MATCAP2: variants seen among roughly 807,000 people sequenced by gnomAD.
MATCAP2 encodes microtubule associated tyrosine carboxypeptidase 2.
chr7:36,384,654 T>C, the MATCAP2 span, among the ~76,000 whole-genome samples: 1 of 152,074 alleles, frequency 6.6e-6, no homozygotes, highest in African/African-American at 2.4e-5. Context: ...TGGAAAGTGA[T>C]TGGTGGGCAG....
chr7:36,384,979 A>G, the MATCAP2 span, among the ~76,000 whole-genome samples: 1 of 152,222 alleles, frequency 6.6e-6, no homozygotes, highest in African/African-American at 2.4e-5. Flanking sequence ...ATTATTGGAT[A>G]TCATTTTAAT....
the MATCAP2 span, chr7:36,326,783 TGTCA>T: frequency 1.2e-6 from 2 of 1,613,424 alleles, no homozygotes; most frequent in Non-Finnish European, 1.7e-6. Context: ...TTCAGTTCCC[TGTCA>T]GTCAGTTCAT....
the MATCAP2 span, chr7:36,336,199 C>T: frequency 6.5e-7 from 1 of 1,536,494 alleles, no homozygotes; most frequent in Non-Finnish European, 8.7e-7. Context: ...TAACGTGACT[C>T]CAGATTCGAG....
chr7:36,389,226 A>G, the MATCAP2 span, among the ~76,000 whole-genome samples: 1 of 151,456 alleles, frequency 6.6e-6, no homozygotes, highest in Non-Finnish European at 1.5e-5. Context: ...ATGCCTATCT[A>G]ATTTTTTTGT....
the MATCAP2 span, among the ~76,000 whole-genome samples, chr7:36,377,447 G>T: frequency 6.6e-6 from 1 of 152,202 alleles, no homozygotes; most frequent in Non-Finnish European, 1.5e-5. Context: ...CTTCTGGCTT[G>T]TAGAGTTTCT....
chr7:36,384,034 A>C, the MATCAP2 span: 1 of 383,826 alleles, frequency 2.6e-6, no homozygotes, highest in Non-Finnish European at 4.4e-6. Flanking sequence ...AAAGTATAAA[A>C]ATAGTATAAA....
chr7:36,334,113 C>T, the MATCAP2 span: 11 of 1,613,992 alleles, frequency 6.8e-6, no homozygotes, highest in Non-Finnish European at 9.3e-6. Flanking sequence ...TCCAGTCCAA[C>T]TGTTCCATGG....
the MATCAP2 span, among the ~76,000 whole-genome samples, chr7:36,344,903 TA>T: frequency 6.6e-6 from 1 of 152,170 alleles, no homozygotes; most frequent in African/African-American, 2.4e-5. Flanking sequence ...GCGACATAAG[TA>T]GAAAGCAATG....
chr7:36,340,757 T>C, the MATCAP2 span, among the ~76,000 whole-genome samples: 1 of 152,212 alleles, frequency 6.6e-6, no homozygotes, highest in Admixed American at 6.5e-5. Flanking sequence ...AGTAGCTGAA[T>C]TGGTGAAATA....
the MATCAP2 span, among the ~76,000 whole-genome samples, chr7:36,374,228 G>A: frequency 2.0e-5 from 3 of 151,650 alleles, no homozygotes; most frequent in African/African-American, 7.3e-5. Context: ...ACAGGCATGA[G>A]CCACCATGCA....
At chr7:36,374,197 G>C in the MATCAP2 span, among the ~76,000 whole-genome samples, 1 of 151,980 alleles carries the variant, frequency 6.6e-6, no homozygotes, top group South Asian at 2.1e-4. Context: ...TCCCACCTCA[G>C]ACTCCTGAGT....
the MATCAP2 span, among the ~76,000 whole-genome samples, chr7:36,346,720 A>G: frequency 2.6e-5 from 4 of 152,184 alleles, no homozygotes; most frequent in Non-Finnish European, 5.9e-5. Flanking sequence ...GCACAACTCT[A>G]AATACATTAA....
the MATCAP2 span, among the ~76,000 whole-genome samples, chr7:36,345,509 C>T: frequency 1.3e-5 from 2 of 152,138 alleles, no homozygotes; most frequent in Non-Finnish European, 2.9e-5. Flanking sequence ...CAATGCCACA[C>T]AAAATAGAAT....
chr7:36,336,672 C>T, the MATCAP2 span, among the ~76,000 whole-genome samples: 1 of 151,784 alleles, frequency 6.6e-6, no homozygotes, highest in Non-Finnish European at 1.5e-5. Flanking sequence ...AGGTATGTCT[C>T]CACGCAAGTA....
the MATCAP2 span, chr7:36,355,210 T>C: frequency 2.0e-5 from 3 of 152,250 alleles, no homozygotes; most frequent in African/African-American, 7.2e-5. Context: ...AGCTAACCTC[T>C]TTATTAGTGC....
the MATCAP2 span, among the ~76,000 whole-genome samples, chr7:36,368,964 A>G: frequency 6.6e-6 from 1 of 152,078 alleles, no homozygotes; most frequent in South Asian, 2.1e-4. Flanking sequence ...CTACTCCTTC[A>G]TATTTCCTAT....
At chr7:36,389,867 C>T in the MATCAP2 span, 2 of 1,315,638 alleles carry the variant, frequency 1.5e-6, no homozygotes, top group East Asian at 2.4e-5. Flanking sequence ...AGGCCGAGTC[C>T]GTCACTGGAA....
chr7:36,364,091 CTTTT>C, the MATCAP2 span, among the ~76,000 whole-genome samples: 20 of 40,648 alleles, frequency 4.9e-4, 1 homozygote, highest in South Asian at 6.1e-3. Flanking sequence ...TCTTCTTCTT[CTTTT>C]TTTTTTTTTT....
chr7:36,333,946 T>C, the MATCAP2 span: 1 of 1,614,172 alleles, frequency 6.2e-7, no homozygotes, highest in East Asian at 2.2e-5. Flanking sequence ...CCAATATCTT[T>C]AAAGAGTTCA....
Sources: allele counts gnomAD v4.1 joint callset (sites outside exome capture counted in the v4.1 genomes callset), GRCh38; gene constraint gnomAD v4.1.1; transcripts MANE v1.5; gene names NCBI Gene and HGNC (gene_info 2026-07-23, HGNC 2026-07-21).